PPFIA3: variants seen among roughly 807,000 people sequenced by gnomAD.
PPFIA3 encodes the protein liprin-alpha-3.
In PPFIA3, 26 loss-of-function variants were observed where a neutral mutation model predicts 145.8. That is an observed-to-expected ratio of 0.18 (90% CI 0.13 to 0.25). The LOEUF (loss-of-function observed/expected upper bound fraction) is 0.25. Ranked by LOEUF, PPFIA3 falls within the 10% of genes least tolerant of loss-of-function variation. The probability of loss-of-function intolerance (pLI) is 1.00; values close to 1 mark genes in which losing one functional copy is unlikely to be tolerated. For missense variants in PPFIA3, 1,008 were observed against 1,587.8 expected, an observed-to-expected ratio of 0.63 and a Z score of 6.21; for synonymous variants, 645 against 661.4, an observed-to-expected ratio of 0.98 and a Z score of 0.38.
rs1193898863 is a variant in PPFIA3 at position 49,145,967 on chromosome 19, C to A, written c.2770C>A (p.His924Asn). 6.2e-7 allele frequency: 1 copy of A among 1,614,034 alleles called. No homozygotes were observed. The highest frequency in any genetic ancestry group is 8.5e-7 in the Non-Finnish European group (1 of 1,180,010). The stretch of plus-strand genomic sequence containing the variant: ...GTCCACAGGAAACGTGTGGATGACA[C>A]ACGAGGAGATGGAGTCCCTTACGGC... Reference protein sequence around the residue: ...RTSTGNVWMTHEEMESLTATT... With the variant: ...RTSTGNVWMTNEEMESLTATT... Residue 924 changes from histidine to asparagine, a missense_variant, in exon 22 of 30, where the codon CAC becomes AAC. This residue lies in a region of PPFIA3 where 154 missense variants were observed against 369.2 expected (regional missense o/e 0.42). Coordinates refer to ENST00000334186, the MANE Select transcript of PPFIA3 (RefSeq NM_003660.4).
rs374378332 is a variant in PPFIA3 at position 49,134,014 on chromosome 19, C to T, written c.1246-20C>T. 15 of 1,608,494 alleles carry T rather than the reference C, an allele frequency of 9.3e-6. No homozygotes were observed. The highest frequency in any genetic ancestry group is 1.2e-5 in the Non-Finnish European group (14 of 1,177,428). ...TGGGCAGGGTGGGCTTAACAACCCG[C>T]CCCGCTCTGCTTTGCGCAGGCCCGG... is the stretch of plus-strand genomic sequence containing the variant. On this transcript the variant is annotated intron_variant, in intron 10 of 29. Coordinates refer to ENST00000334186, the MANE Select transcript of PPFIA3 (RefSeq NM_003660.4).
At chr19:49,134,586 C>T in intron 11 of PPFIA3, 53 bp from the exon 12 acceptor site, 6 of 1,548,236 alleles carry the variant, frequency 3.9e-6, no homozygotes, top group Non-Finnish European at 5.3e-6. Context: ...CCTGCAGCCC[C>T]ACGGGCGTGG....
chr19:49,131,682 C>T (rs1053865641), intron 7 of PPFIA3, among the ~76,000 whole-genome samples: 5 of 151,180 alleles, frequency 3.3e-5, no homozygotes, highest in African/African-American at 7.3e-5. Flanking sequence ...ATTAGCCGGG[C>T]GTGGTGGTGG....
At chr19:49,137,228 T>G in intron 15 of PPFIA3, 1 of 250,606 alleles carries the variant, frequency 4.0e-6, no homozygotes, top group Non-Finnish European at 7.6e-6. Context: ...TGGTTTCACA[T>G]AACCAGTGCC....
chr19:49,129,522 G>T, intron 5 of PPFIA3, 68 bp downstream of exon 5: 1 of 1,503,444 alleles, frequency 6.7e-7, no homozygotes, highest in Non-Finnish European at 9.0e-7. Flanking sequence ...CCACGGGGCG[G>T]AGCCGGTTGG....
chr19:49,128,128 G>A lies in PPFIA3; in HGVS notation c.240+15G>A, dbSNP rs756498294. On this transcript the variant is annotated intron_variant, in intron 2 of 29. Transcript: ENST00000334186. This position sits in a 1 kb window ranked among gnomAD's most constrained non-coding sequence, Gnocchi z 4.1. ...CGCTGCCCCAGGTCTGGGCGGGACA[G>A]GGGCGGGGCATGAGGGGGCGGGGCC... 8.6e-6 allele frequency: 13 copies of A among 1,514,836 alleles called. No homozygotes were observed. Among genetic ancestry groups the A allele is most frequent in the Non-Finnish European group, 1.1e-5 (13 of 1,136,716 alleles). 93.8% of individuals were successfully genotyped at this position (1,514,836 alleles called of 1,614,324 possible). A position where few individuals can be genotyped will look rare whatever the true frequency, so the allele number is the denominator to read the frequency against.
In PPFIA3 at chr19:49,149,331, C is replaced by A; in HGVS notation, c.3354+6C>A. 1 of 1,613,800 alleles carries A rather than the reference C, an allele frequency of 6.2e-7. No individual in the cohort carries two copies. Among genetic ancestry groups the A allele is most frequent in the Non-Finnish European group, 8.5e-7 (1 of 1,179,972 alleles). On this transcript the variant is annotated splice_donor_region_variant and intron_variant, in intron 27 of 29. Transcript: ENST00000334186. The surrounding 1 kb of genome is among the most constrained non-coding windows in gnomAD (Gnocchi z 5.7). ...CAGACAGGCGGCTGGACGAGGTGGG[C>A]GCGGCAACAGCTCAGAGGGCTCTGC...
Position 49,149,699 on chromosome 19 carries a change from C to A in PPFIA3, c.3507C>A (p.Leu1169=). The change falls in exon 28 of 30, where the codon CTC becomes CTA. Residue 1169 remains leucine, a synonymous_variant. Transcript: ENST00000334186. The surrounding 1 kb of genome is among the most constrained non-coding windows in gnomAD (Gnocchi z 5.7). ...AGALGSPGLP[L]RKLQPEGQTS... is the part of the protein sequence containing the mutation. The stretch of plus-strand genomic sequence containing the variant: ...CCCTGGGCTCTCCGGGGCTCCCTCT[C>A]CGCAAGCTGCAGCCAGAAGGTGGGG... The A allele has an allele frequency of 1.2e-6, 2 of 1,611,074 alleles. No homozygotes were observed. The highest frequency in any genetic ancestry group is 1.7e-6 in the Non-Finnish European group (2 of 1,178,520).
Position 49,130,922 on chromosome 19 carries a change from C to T in PPFIA3, c.879+323C>T, listed in dbSNP as rs996000357. On this transcript the variant is annotated intron_variant, in intron 7 of 29. Transcript: ENST00000334186. This position sits in a 1 kb window ranked among gnomAD's most constrained non-coding sequence, Gnocchi z 4.5. Reference sequence around the variant, plus strand: ...TGTCGCCCAGGCTGGAGTGCAGTGGCGTGATCTTGGCTTACTGCCACCTCT... The same window carrying T: ...TGTCGCCCAGGCTGGAGTGCAGTGGTGTGATCTTGGCTTACTGCCACCTCT... Among the ~76,000 whole-genome samples, 25 of 151,652 alleles carry T rather than the reference C, an allele frequency of 1.6e-4. No individual in the cohort carries two copies. Among genetic ancestry groups the T allele is most frequent in the African/African-American group, 2.4e-4 (10 of 41,250 alleles).
intron 1 of PPFIA3, among the ~76,000 whole-genome samples, chr19:49,123,662 G>A (rs1033919207): frequency 3.3e-5 from 5 of 151,884 alleles, no homozygotes; most frequent in African/African-American, 1.2e-4. Context: ...GGCTGGTCTC[G>A]AAATCCTGAC....
At chr19:49,127,100 AAG>A (rs2041007962) in intron 1 of PPFIA3, among the ~76,000 whole-genome samples, 1 of 150,280 alleles carries the variant, frequency 6.7e-6, no homozygotes, top group African/African-American at 2.4e-5. Flanking sequence ...AAAAAAAAAA[AAG>A]GTCAGGCGCG....
intron 1 of PPFIA3, among the ~76,000 whole-genome samples, chr19:49,122,524 C>T (rs180978071): frequency 2.0e-5 from 3 of 152,290 alleles, no homozygotes; most frequent in East Asian, 3.9e-4. Context: ...GTTTCAGCCA[C>T]GTTGTTCTAG....
intron 21 of PPFIA3, chr19:49,145,728 CAATTCCAACCTG>C (rs899966394): frequency 4.1e-5 from 24 of 587,688 alleles, no homozygotes; most frequent in Middle Eastern, 2.9e-4. Context: ...GGCAGGGTCC[CAATTCCAACCTG>C]AATTTGTTCA....
At chr19:49,137,019 C>A in intron 15 of PPFIA3, 108 bp downstream of exon 15, 1 of 1,093,946 alleles carries the variant, frequency 9.1e-7, no homozygotes, top group Non-Finnish European at 1.2e-6. Context: ...TTACACCATC[C>A]ACAAGGAATT....
In PPFIA3 at chr19:49,128,798, G is replaced by T; in HGVS notation, c.343-50G>T. The T allele has an allele frequency of 6.6e-7, 1 of 1,506,092 alleles. No homozygotes were observed. The allele number at this position is 1,506,092 out of a possible 1,614,324, so 93.3% of individuals were successfully genotyped here. On this transcript the variant is annotated intron_variant, in intron 3 of 29. Transcript: ENST00000334186. This position sits in a 1 kb window ranked among gnomAD's most constrained non-coding sequence, Gnocchi z 4.1. Reference sequence around the variant, plus strand: ...ACCTGTCACCCTTTTTCTCACATCTGCCCCTTTTCCCTTGCCTCTTTTCCT... The same window carrying T: ...ACCTGTCACCCTTTTTCTCACATCTTCCCCTTTTCCCTTGCCTCTTTTCCT...
intron 19 of PPFIA3, 70 bp from the exon 20 acceptor site, chr19:49,141,964 T>TG: frequency 8.1e-7 from 1 of 1,238,340 alleles, no homozygotes; most frequent in East Asian, 2.6e-5. Context: ...TGTGTGCTGA[T>TG]GGGGGCCATC....
intron 7 of PPFIA3, 85 bp from the exon 8 acceptor site, chr19:49,132,916 C>A: frequency 6.6e-7 from 1 of 1,524,042 alleles, no homozygotes; most frequent in South Asian, 1.2e-5. Flanking sequence ...CATGTCAGGG[C>A]ACTTTGTTTC....
intron 21 of PPFIA3, 54 bp downstream of exon 21, chr19:49,143,058 G>A: frequency 6.4e-7 from 1 of 1,571,442 alleles, no homozygotes; most frequent in Non-Finnish European, 8.6e-7. Flanking sequence ...CCCGCCTCTT[G>A]CCCTCAGTCT....
intron 22 of PPFIA3, 52 bp downstream of exon 22, chr19:49,146,057 G>A (rs768745876): frequency 1.9e-6 from 3 of 1,608,690 alleles, no homozygotes; most frequent in Non-Finnish European, 2.6e-6. Context: ...TTCTTTGGGG[G>A]TGGGGGCGGG....
Sources: gnomAD v4.1 joint callset for allele counts (sites outside exome capture counted in the v4.1 genomes callset) on GRCh38, gnomAD v4.1.1 for gene constraint, gnomAD v4.1.1 regional missense constraint, Gnocchi (gnomAD v3.1) non-coding constraint, MANE v1.5 for transcripts, NCBI Gene and HGNC (gene_info 2026-07-23, HGNC 2026-07-21) for gene names.